Variants in SETD2 observed in about 807,000 individuals in gnomAD.
The protein encoded by SETD2 is histone-lysine N-methyltransferase SETD2.
SETD2 carries 31 observed loss-of-function variants against 242.1 expected under a neutral mutation model. The observed-to-expected ratio is 0.13, with a 90% CI of 0.10 to 0.17. SETD2 has a LOEUF of 0.17. SETD2 is among the 10% of genes least tolerant of loss of function. The pLI is 1.00. For synonymous variants in SETD2, 1,006 were observed against 1,066.5 expected (o/e 0.94, Z 1.11); for missense variants, 2,481 against 3,046.3 (o/e 0.81, Z 4.37).
chr3:47,041,380 C>T, intron 17 of SETD2: 1 of 447,692 alleles, frequency 2.2e-6, no homozygotes, highest in Non-Finnish European at 4.5e-6. Context: ...GGGTGTGGTG[C>T]CTCACGCCTG....
intron 1 of SETD2, among the ~76,000 whole-genome samples, chr3:47,151,108 TAA>T (rs1177480212): frequency 6.6e-6 from 1 of 152,022 alleles, no homozygotes; most frequent in African/African-American, 2.4e-5. Flanking sequence ...ATTCCTCCAT[TAA>T]AAGAGAAGAA....
chr3:47,124,361 A>C lies in SETD2; in HGVS notation c.275T>G (p.Leu92Arg), dbSNP rs2043240146. The change falls in exon 3 of 21, where the codon CTT becomes CGT. Residue 92 changes from leucine (L) to arginine (R), a missense_variant. Leu to Arg is a moderately radical substitution (Grantham distance 102, BLOSUM62 -2). Around this residue, in one of 17 missense-constraint regions of SETD2, gnomAD observed 334 missense variants for 374.5 expected, o/e 0.89. Transcript: ENST00000409792. Reference protein sequence around the residue: ...KTLQNRFLTALGNEKQSDTPN... With the variant: ...KTLQNRFLTARGNEKQSDTPN... ...AGTATCACTTTGCTTTTCATTGCCA[A>C]GTGCAGTGAGAAACCTATTCTGCAA... The C allele has an allele frequency of 6.4e-7, 1 of 1,551,758 alleles. No individual in the cohort carries two copies. The highest frequency in any genetic ancestry group is 1.2e-5 in the South Asian group (1 of 84,068).
chr3:47,159,847 C>T (rs936581300), intron 1 of SETD2, among the ~76,000 whole-genome samples: 7 of 151,924 alleles, frequency 4.6e-5, no homozygotes, highest in Non-Finnish European at 8.8e-5. Context: ...CAGTGGCAGG[C>T]GCCTGTAATC....
rs2107741986 is a variant in SETD2 at position 47,120,475 on chromosome 3, T to C, written c.4161A>G (p.Lys1387=). The C allele has an allele frequency of 6.2e-7, 1 of 1,613,656 alleles. No homozygotes were observed. The highest frequency in any genetic ancestry group is 1.3e-5 in the African/African-American group (1 of 74,946). Residue 1387 remains lysine, a synonymous_variant, in exon 3 of 21, where the codon AAA becomes AAG. Transcript: ENST00000409792. ...IKDTLAVNEK[K]DFSKNLEKND... Reference sequence around the variant, plus strand: ...TTTTTTCTAAGTTTTTTGAAAAATCTTTCTTTTCATTCACAGCTAAAGTGT... The same window carrying C: ...TTTTTTCTAAGTTTTTTGAAAAATCCTTCTTTTCATTCACAGCTAAAGTGT...
intron 1 of SETD2, among the ~76,000 whole-genome samples, chr3:47,150,051 G>C (rs1306624915): frequency 1.1e-4 from 2 of 18,264 alleles, no homozygotes; most frequent in African/African-American, 3.6e-4. Context: ...TTTTTTTTGA[G>C]ACAGAGTCTC....
At chr3:47,098,640 A>G (rs1271999700) in intron 8 of SETD2, among the ~76,000 whole-genome samples, 1 of 152,094 alleles carries the variant, frequency 6.6e-6, no homozygotes, top group African/African-American at 2.4e-5. Context: ...TATTAAAAAT[A>G]CAAAAATTAG....
chr3:47,111,749 GAAA>G (rs1156878466), intron 5 of SETD2, among the ~76,000 whole-genome samples: 1 of 109,586 alleles, frequency 9.1e-6, no homozygotes, highest in Admixed American at 9.2e-5. Flanking sequence ...ATCTTCAAAG[GAAA>G]AAAAAAAAAA....
intron 12 of SETD2, among the ~76,000 whole-genome samples, chr3:47,074,258 T>C (rs778451266): frequency 1.6e-4 from 25 of 152,184 alleles, no homozygotes; most frequent in Non-Finnish European, 3.2e-4. Flanking sequence ...TATGCATAAA[T>C]TATCTCTGGA....
At chr3:47,033,765 G>A (rs1320217811) in intron 18 of SETD2, among the ~76,000 whole-genome samples, 1 of 147,970 alleles carries the variant, frequency 6.8e-6, no homozygotes, top group Non-Finnish European at 1.5e-5. Flanking sequence ...GGGTTCAAGC[G>A]ATTCTCTTGC....
intron 18 of SETD2, among the ~76,000 whole-genome samples, chr3:47,036,523 C>CA (rs1559650466): frequency 6.6e-6 from 1 of 151,802 alleles, no homozygotes; most frequent in Non-Finnish European, 1.5e-5. Flanking sequence ...CCAAAAAAAA[C>CA]AAAAAACACA....
At chr3:47,108,143 T>A (rs2107703707) in intron 5 of SETD2, among the ~76,000 whole-genome samples, 1 of 152,108 alleles carries the variant, frequency 6.6e-6, no homozygotes, top group South Asian at 2.1e-4. Context: ...AAAAATGTTT[T>A]AAAACATTTT....
chr3:47,084,511 GC>G, intron 11 of SETD2, 129 bp from the exon 12 acceptor site: 1 of 631,652 alleles, frequency 1.6e-6, no homozygotes. Context: ...TGCAACCTCT[GC>G]CTCCTGGGTT....
intron 1 of SETD2, among the ~76,000 whole-genome samples, chr3:47,136,996 G>A (rs2043602817): frequency 6.6e-6 from 1 of 152,086 alleles, no homozygotes; most frequent in African/African-American, 2.4e-5. Flanking sequence ...ACTACTATTT[G>A]GGTAATGGGC....
intron 17 of SETD2, among the ~76,000 whole-genome samples, chr3:47,039,230 T>A (rs1469901978): frequency 6.6e-6 from 1 of 152,002 alleles, no homozygotes; most frequent in African/African-American, 2.4e-5. Flanking sequence ...TTTTTTTTAT[T>A]CTGATATGGA....
intron 1 of SETD2, among the ~76,000 whole-genome samples, chr3:47,148,329 C>T (rs949950703): frequency 6.6e-6 from 1 of 152,006 alleles, no homozygotes; most frequent in African/African-American, 2.4e-5. Flanking sequence ...CAGGGTTTTG[C>T]CATGTTGCCC....
rs1440200215 is a variant in SETD2, at chr3:47,074,669, G to C, written c.6061-7551C>G. Reference sequence around the variant, plus strand: ...GCCCTCCTGATACCCAAATCATCTAGAAACACTTTTTGAACCACAGTTCAT... The same window carrying C: ...GCCCTCCTGATACCCAAATCATCTACAAACACTTTTTGAACCACAGTTCAT... On this transcript the variant is annotated intron_variant, in intron 12 of 20. Transcript: ENST00000409792. Among the ~76,000 whole-genome samples the C allele has an allele frequency of 2.0e-5, 3 of 152,106 alleles. No homozygotes were observed. In the East Asian group the frequency reaches 5.8e-4, roughly 29 times the overall value.
chr3:47,037,842 C>T (rs1181596729), intron 17 of SETD2, 65 bp from the exon 18 acceptor site: 1 of 1,088,940 alleles, frequency 9.2e-7, no homozygotes, highest in East Asian at 2.4e-5. Context: ...ACATAAACAT[C>T]ACTGCTCATA....
At chr3:47,023,669 T>A (rs574099849) in intron 18 of SETD2, among the ~76,000 whole-genome samples, 1 of 152,016 alleles carries the variant, frequency 6.6e-6, no homozygotes, top group South Asian at 2.1e-4. Context: ...TGAAAAAAAA[T>A]ACAATAAAAA....
rs55952850 is a variant in SETD2 at position 47,049,304 on chromosome 3, AATATATATATATATATATATATAT to A, written c.6964-2707_6964-2684del. 7.6e-3 allele frequency among the ~76,000 whole-genome samples: 825 copies of A among 108,574 alleles called. 7 individuals carry two copies. The highest frequency in any genetic ancestry group is 0.018 in the African/African-American group (544 of 30,562). 71.2% of individuals were successfully genotyped at this position (108,574 alleles called of 152,430 possible). ...AGTTTTTTATAGAATAAGTTTTCTA[AATATATATATATATATATATATAT>A]ATATATATATATATATATATGTATT... On this transcript the variant is annotated intron_variant, in intron 15 of 20. Coordinates refer to ENST00000409792, the MANE Select transcript of SETD2 (RefSeq NM_014159.7).
Sources: gnomAD v4.1 joint callset for allele counts (sites outside exome capture counted in the v4.1 genomes callset) on GRCh38, gnomAD v4.1.1 for gene constraint, gnomAD v4.1.1 regional missense constraint, MANE v1.5 for transcripts, NCBI Gene and HGNC (gene_info 2026-07-23, HGNC 2026-07-21) for gene names.